USP10: variants seen among roughly 807,000 people sequenced by gnomAD.
USP10 encodes the protein ubiquitin specific peptidase 10, also known as ubiquitin carboxyl-terminal hydrolase 10.
A neutral mutation model predicts 84.5 loss-of-function variants in USP10; 22 were observed. The observed-to-expected ratio is 0.26, with a 90% CI of 0.19 to 0.37. USP10 has a LOEUF of 0.37. Among genes scored for constraint, USP10 ranks in the 10% least tolerant of loss-of-function variants. The pLI is 1.00. For synonymous variants in USP10, 454 were observed against 387.6 expected (o/e 1.17, Z -2.01); for missense variants, 1,019 against 998.9 (o/e 1.02, Z -0.27).
rs184430456 is a variant in USP10, at chr16:84,731,004, G to A, written c.22-2431G>A. Reference sequence around the variant, plus strand: ...TTTTTTTTTTTTTTTTTTTTGACACGGAATCTCTCTCTGTCAGCAGGCTGG... The same window carrying A: ...TTTTTTTTTTTTTTTTTTTTGACACAGAATCTCTCTCTGTCAGCAGGCTGG... On this transcript the variant is annotated intron_variant, in intron 1 of 13. Transcript: ENST00000219473. 4.2e-3 allele frequency among the ~76,000 whole-genome samples: 535 copies of A among 128,160 alleles called. 10 individuals carry two copies. Among genetic ancestry groups the A allele is most frequent in the Admixed American group, 0.034 (385 of 11,206 alleles). The allele number at this position is 128,160 out of a possible 152,430, so 84.1% of individuals were successfully genotyped here. A position where few individuals can be genotyped will look rare whatever the true frequency, so the allele number is the denominator to read the frequency against.
intron 1 of USP10, among the ~76,000 whole-genome samples, chr16:84,723,993 T>G (rs1383243219): frequency 6.6e-6 from 1 of 152,204 alleles, no homozygotes; most frequent in Non-Finnish European, 1.5e-5. Context: ...CCAAGGTGAT[T>G]GTAATGAATA....
At chr16:84,751,958 G>A (rs924207524) in intron 4 of USP10, among the ~76,000 whole-genome samples, 1 of 152,104 alleles carries the variant, frequency 6.6e-6, no homozygotes, top group African/African-American at 2.4e-5. Flanking sequence ...TTGCCTTTGA[G>A]TTGATAAACA....
chr16:84,700,439 C>T (rs1312547425), intron 1 of USP10, among the ~76,000 whole-genome samples: 2 of 151,844 alleles, frequency 1.3e-5, no homozygotes, highest in African/African-American at 2.4e-5. Flanking sequence ...GGAGTGGGGC[C>T]CTCCCCGCCG....
intron 4 of USP10, among the ~76,000 whole-genome samples, chr16:84,755,069 A>G (rs992055472): frequency 2.0e-5 from 3 of 151,592 alleles, no homozygotes; most frequent in African/African-American, 7.3e-5. Context: ...CTTTCCTTTT[A>G]AGAGTGGAGT....
intron 4 of USP10, among the ~76,000 whole-genome samples, chr16:84,747,083 T>TC (rs1478963819): frequency 3.3e-5 from 5 of 152,328 alleles, no homozygotes; most frequent in Admixed American, 2.6e-4. Flanking sequence ...TGTGGGACCA[T>TC]CATACGTGCG....
intron 1 of USP10, among the ~76,000 whole-genome samples, chr16:84,705,157 C>G (rs1940667797): frequency 6.6e-6 from 1 of 152,120 alleles, no homozygotes; most frequent in Admixed American, 6.5e-5. Flanking sequence ...TCAGGAGTCT[C>G]AAAACCAGTC....
chr16:84,759,282 A>G (rs1912928072), intron 5 of USP10, 81 bp from the exon 6 acceptor site: 1 of 1,328,934 alleles, frequency 7.5e-7, no homozygotes, highest in Non-Finnish European at 1.1e-6. Flanking sequence ...GTTTTTATAA[A>G]CATTCTTGTG....
rs1200734809 is a variant in USP10 at position 84,702,397 on chromosome 16, C to T, written c.21+2286C>T. On this transcript the variant is annotated intron_variant, in intron 1 of 13. Coordinates refer to ENST00000219473, the MANE Select transcript of USP10 (RefSeq NM_005153.3). ...TTTTCATTTTAAAAGAATAGTAATGCAAACAAGTAATGGAATCATGTATGA... is the reference window on the plus strand; with the variant it reads ...TTTTCATTTTAAAAGAATAGTAATGTAAACAAGTAATGGAATCATGTATGA... 2.6e-5 allele frequency among the ~76,000 whole-genome samples: 4 copies of T among 152,060 alleles called. No individual in the cohort carries two copies. In the East Asian group the frequency reaches 7.7e-4, roughly 29 times the overall value.
At chr16:84,711,184 G>A (rs1230584349) in intron 1 of USP10, among the ~76,000 whole-genome samples, 6 of 152,194 alleles carry the variant, frequency 3.9e-5, no homozygotes, top group Admixed American at 6.5e-5. Context: ...TTTTAAGCAA[G>A]CATTTACCCA....
chr16:84,766,189 A>G (rs1161631742), intron 10 of USP10, among the ~76,000 whole-genome samples: 2 of 152,226 alleles, frequency 1.3e-5, no homozygotes, highest in Non-Finnish European at 2.9e-5. Context: ...ACCTGCGCTG[A>G]CGCCCTCAGA....
chr16:84,768,235 G>A lies in USP10; in HGVS notation c.1875G>A (p.Leu625=), dbSNP rs1914068862. ...AGAGTTCAAAAGAATCTGCCACTTT[G>A]CAGCCATTTTTCACGTTGCAGTTGG... ...YQQSSKESAT[L]QPFFTLQLDI... The change falls in exon 11 of 14, where the codon TTG becomes TTA. Residue 625 remains leucine (L), a synonymous_variant. Transcript: ENST00000219473. The A allele has an allele frequency of 1.9e-6, 3 of 1,601,644 alleles. No individual in the cohort carries two copies. The highest frequency in any genetic ancestry group is 2.6e-6 in the Non-Finnish European group (3 of 1,173,424).
chr16:84,743,088 A>G (rs759907355), intron 3 of USP10, among the ~76,000 whole-genome samples: 1 of 152,222 alleles, frequency 6.6e-6, no homozygotes, highest in Admixed American at 6.5e-5. Context: ...ACATCAGGGA[A>G]TAGGGGATGT....
At chr16:84,749,448 A>G (rs539653570) in intron 4 of USP10, among the ~76,000 whole-genome samples, 4 of 152,168 alleles carry the variant, frequency 2.6e-5, no homozygotes, top group Non-Finnish European at 4.4e-5. Flanking sequence ...GGAGTAGGGA[A>G]TGATTTAGAC....
chr16:84,740,892 G>C (rs1910544280), intron 3 of USP10, among the ~76,000 whole-genome samples: 1 of 152,240 alleles, frequency 6.6e-6, no homozygotes, highest in Non-Finnish European at 1.5e-5. Context: ...GCACTAAGCT[G>C]ATTGCCAGAG....
At chr16:84,701,937 C>CTT (rs575487855) in intron 1 of USP10, among the ~76,000 whole-genome samples, 4 of 124,566 alleles carry the variant, frequency 3.2e-5, no homozygotes, top group South Asian at 4.8e-4. Context: ...TTTTCTTCTT[C>CTT]TTTTTTTTTT....
rs745841456 is a variant in USP10, at chr16:84,744,888, A to G, written c.407A>G (p.Glu136Gly). 1 of 1,613,802 alleles carries G rather than the reference A, an allele frequency of 6.2e-7. No individual in the cohort carries two copies. The highest frequency in any genetic ancestry group is 2.2e-5 in the East Asian group (1 of 44,888). ...TCTAATGTGGAGGCGGAAGTTTTGG[A>G]AAATGATGGTGTCTCAGGTGGTCTT... ...GSSNVEAEVL[E>G]NDGVSGGLGQ... Residue 136 changes from glutamate to glycine, a missense_variant, in exon 4 of 14, where the codon GAA becomes GGA. Around this residue, in one of 2 missense-constraint regions of USP10, gnomAD observed 787 missense variants for 708.8 expected, o/e 1.11. Coordinates refer to ENST00000219473, the MANE Select transcript of USP10 (RefSeq NM_005153.3).
In USP10 at chr16:84,700,112, G is replaced by A; in HGVS notation, c.21+1G>A. On this transcript the variant is annotated splice_donor_variant, in intron 1 of 13. Coordinates refer to ENST00000219473, the MANE Select transcript of USP10 (RefSeq NM_005153.3). LOFTEE classifies it high-confidence loss of function. The stretch of plus-strand genomic sequence containing the variant: ...AGCCATGGCCCTCCACAGCCCGCAG[G>A]TAGCCGCCGGTCTGCGCCTTCGGCC... 1 of 1,351,184 alleles carries A rather than the reference G, an allele frequency of 7.4e-7. No individual in the cohort carries two copies. Among genetic ancestry groups the A allele is most frequent in the Non-Finnish European group, 9.7e-7 (1 of 1,030,428 alleles). 83.7% of individuals were successfully genotyped at this position (1,351,184 alleles called of 1,614,324 possible). A position where few individuals can be genotyped will look rare whatever the true frequency, so the allele number is the denominator to read the frequency against.
At chr16:84,712,565 C>G (rs1466258746) in intron 1 of USP10, among the ~76,000 whole-genome samples, 2 of 152,154 alleles carry the variant, frequency 1.3e-5, no homozygotes, top group Admixed American at 1.3e-4. Flanking sequence ...TTTGGTGTTT[C>G]TATAATAGTT....
intron 1 of USP10, among the ~76,000 whole-genome samples, chr16:84,729,760 A>G (rs186517065): frequency 6.6e-6 from 1 of 152,148 alleles, no homozygotes; most frequent in Non-Finnish European, 1.5e-5. Context: ...ATTTTGATGG[A>G]GTTGTTTTTT....
Sources: gnomAD v4.1 joint callset for allele counts (sites outside exome capture counted in the v4.1 genomes callset) on GRCh38, gnomAD v4.1.1 for gene constraint, gnomAD v4.1.1 regional missense constraint, MANE v1.5 for transcripts, NCBI Gene and HGNC (gene_info 2026-07-23, HGNC 2026-07-21) for gene names.